The following PPP2R2D variants were observed in gnomAD, a reference collection of about 807,000 sequenced individuals.
PPP2R2D encodes the protein protein phosphatase 2 regulatory subunit Bdelta.
A neutral mutation model predicts 31.1 loss-of-function variants in PPP2R2D; 9 were observed. That is an observed-to-expected ratio of 0.29 (90% CI 0.17 to 0.51). The LOEUF is 0.51. Among genes scored for constraint, PPP2R2D ranks in the 20% least tolerant of loss-of-function variants. PPP2R2D has a pLI of 0.98. For synonymous variants in PPP2R2D, 179 were observed against 172.6 expected (o/e 1.04, Z -0.29); for missense variants, 391 against 465.6 (o/e 0.84, Z 1.48).
chr10:131,970,773 T>A, the PPP2R2D span: 1 of 1,614,126 alleles, frequency 6.2e-7, no homozygotes, highest in Non-Finnish European at 8.5e-7. This position sits in a 1 kb window ranked among gnomAD's most constrained non-coding sequence, Gnocchi z 4.1. Context: ...CTTCGGGTGT[T>A]TAAAGAGGAA....
the PPP2R2D span, chr10:131,970,852 G>C: frequency 6.2e-7 from 1 of 1,614,174 alleles, no homozygotes; most frequent in Non-Finnish European, 8.5e-7. This position sits in a 1 kb window ranked among gnomAD's most constrained non-coding sequence, Gnocchi z 4.1. Flanking sequence ...GTGACACTGA[G>C]AACACACTCA....
At chr10:131,971,180 C>T in the PPP2R2D span, 2 of 570,898 alleles carry the variant, frequency 3.5e-6, no homozygotes, top group Non-Finnish European at 6.2e-6. Context: ...CGCTCGCCGC[C>T]TCCAGGGACA....
chr10:131,908,791 C>T (rs2035638934), intron 2 of PPP2R2D, among the ~76,000 whole-genome samples: 1 of 152,216 alleles, frequency 6.6e-6, no homozygotes, highest in Non-Finnish European at 1.5e-5. Flanking sequence ...AAGAGACCCT[C>T]TTGCATAGGA....
At chr10:131,968,554 C>G in the PPP2R2D span, 1 of 1,601,822 alleles carries the variant, frequency 6.2e-7, no homozygotes, top group African/African-American at 1.3e-5. Context: ...TTGTCAGACG[C>G]CTTCCAATAT....
chr10:131,927,515 G>A (rs950859374), intron 2 of PPP2R2D, among the ~76,000 whole-genome samples: 8 of 152,170 alleles, frequency 5.3e-5, no homozygotes, highest in Admixed American at 2.6e-4. Context: ...GCGGGATGAT[G>A]TTTGCTGCAG....
intron 2 of PPP2R2D, among the ~76,000 whole-genome samples, chr10:131,932,245 C>T (rs2036247211): frequency 6.6e-6 from 1 of 152,116 alleles, no homozygotes; most frequent in South Asian, 2.1e-4. Flanking sequence ...GCAGTGGGGC[C>T]TGTCTGGCTG....
chr10:131,903,566 A>T (rs2035536040), intron 2 of PPP2R2D, among the ~76,000 whole-genome samples: 2 of 151,934 alleles, frequency 1.3e-5, no homozygotes, highest in African/African-American at 4.8e-5. Context: ...TTTAAGTTAA[A>T]TTTTGAGTAA....
intron 8 of PPP2R2D, among the ~76,000 whole-genome samples, chr10:131,951,549 G>A (rs1016313859): frequency 4.6e-5 from 7 of 152,178 alleles, no homozygotes; most frequent in Admixed American, 6.5e-5. Flanking sequence ...TTGGCCAGGC[G>A]CAGTGGCTCA....
intron 2 of PPP2R2D, among the ~76,000 whole-genome samples, chr10:131,908,074 A>G (rs1357876388): frequency 2.6e-5 from 4 of 152,228 alleles, no homozygotes; most frequent in East Asian, 1.9e-4. Flanking sequence ...GTGCTTTTCA[A>G]GTATTAGATA....
intron 2 of PPP2R2D, among the ~76,000 whole-genome samples, chr10:131,932,863 G>GT (rs1423335453): frequency 3.3e-5 from 5 of 152,050 alleles, no homozygotes; most frequent in African/African-American, 1.2e-4. Context: ...GTTCACGCGT[G>GT]TTTGTGTAGC....
chr10:131,922,454 GTTTTTTT>G (rs11298994), intron 2 of PPP2R2D, among the ~76,000 whole-genome samples: 2 of 133,816 alleles, frequency 1.5e-5, no homozygotes, highest in Non-Finnish European at 3.2e-5. Flanking sequence ...TCTGTCAATT[GTTTTTTT>G]TTTTTTTTTG....
rs1292362394 is a variant in PPP2R2D at position 131,959,115 on chromosome 10, T to C, written c.*3152T>C. 1.6e-3 allele frequency: 108 copies of C among 66,042 alleles called. No homozygotes were observed. The highest frequency in any genetic ancestry group is 8.1e-3 in the Middle Eastern group (1 of 124). 4.1% of individuals were successfully genotyped at this position (66,042 alleles called of 1,614,324 possible). On this transcript the variant is annotated 3_prime_UTR_variant, in exon 9 of 9. Transcript: ENST00000455566. ...CGCCATCCCACTGTGGAGATGAAGG[T>C]GTGTGCTGATCCCCCATCCCCCTGT...
chr10:131,943,190 A>G (rs1554897428), intron 5 of PPP2R2D, among the ~76,000 whole-genome samples: 1 of 152,080 alleles, frequency 6.6e-6, no homozygotes. Context: ...ACCTCTGACC[A>G]TAGGCGGCCT....
chr10:131,951,470 C>G (rs1356397583), intron 8 of PPP2R2D, among the ~76,000 whole-genome samples: 1 of 152,210 alleles, frequency 6.6e-6, no homozygotes, highest in Non-Finnish European at 1.5e-5. Context: ...AGGAGGAATG[C>G]GTACGGTGCA....
At chr10:131,952,972 G>T (rs1466040593) in intron 8 of PPP2R2D, among the ~76,000 whole-genome samples, 4 of 111,856 alleles carry the variant, frequency 3.6e-5, no homozygotes. Flanking sequence ...GTGTGCGGGG[G>T]TTCACTGTCT....
chr10:131,917,517 TG>T (rs2035833982), intron 2 of PPP2R2D, among the ~76,000 whole-genome samples: 1 of 77,488 alleles, frequency 1.3e-5, no homozygotes, highest in Non-Finnish European at 2.7e-5. Context: ...AATGACACAG[TG>T]TTTGTAGGGA....
In PPP2R2D at chr10:131,907,196, A is replaced by ATT. The variant is rs1166869465; in HGVS notation, c.100+5867_100+5868insTT. Among the ~76,000 whole-genome samples, 424 of 151,748 alleles carry ATT rather than the reference A, an allele frequency of 2.8e-3. 6 individuals carry two copies. The highest frequency in any genetic ancestry group is 9.7e-3 in the African/African-American group (401 of 41,400). ...ATGGGCATTTGGTATTTATTCATTT[A>ATT]TATTTTTTTTTTGGTCTTAATGGGA... is the stretch of plus-strand genomic sequence containing the variant. On this transcript the variant is annotated intron_variant, in intron 2 of 8. Transcript: ENST00000455566.
the PPP2R2D span, chr10:131,971,154 C>T: frequency 6.6e-6 from 4 of 607,416 alleles, no homozygotes; most frequent in South Asian, 7.8e-5. Flanking sequence ...CCGCGCCGCA[C>T]TCCCGGCTCA....
At chr10:131,923,132 A>G (rs7084062) in intron 2 of PPP2R2D, among the ~76,000 whole-genome samples, 73,197 of 151,966 alleles carry the variant, frequency 0.48, 18,205 homozygotes, top group Middle Eastern at 0.58. Context: ...GAAACCCACT[A>G]GCAGTCCCTC....
Sources: allele counts gnomAD v4.1 joint callset (sites outside exome capture counted in the v4.1 genomes callset), GRCh38; gene constraint gnomAD v4.1.1; non-coding constraint Gnocchi (gnomAD v3.1); transcripts MANE v1.5; gene names NCBI Gene and HGNC (gene_info 2026-07-23, HGNC 2026-07-21).